PRKCZ: variants seen among roughly 807,000 people sequenced by gnomAD.
The protein encoded by PRKCZ is protein kinase C zeta.
In PRKCZ, 33 loss-of-function variants were observed where a neutral mutation model predicts 79.5. The ratio of observed to expected loss-of-function variants is 0.41; its 90% CI spans 0.31 to 0.55. The LOEUF (loss-of-function observed/expected upper bound fraction) is 0.55. PRKCZ is among the 20% of genes least tolerant of loss of function. The pLI, the probability that PRKCZ is intolerant of heterozygous loss-of-function variation, is 0.19. For missense variants in PRKCZ, 578 were observed against 813.5 expected, an observed-to-expected ratio of 0.71 and a Z score of 3.52; for synonymous variants, 342 against 320.9, an observed-to-expected ratio of 1.07 and a Z score of -0.70.
intron 10 of PRKCZ, among the ~76,000 whole-genome samples, chr1:2,160,238 C>CGCGCGCGCGTGT (rs71578361): frequency 6.8e-6 from 1 of 146,374 alleles, no homozygotes; most frequent in African/African-American, 2.6e-5. Context: ...CAGCAGTGTG[C>CGCGCGCGCGTGT]GTGTGTGTGT....
intron 1 of PRKCZ, among the ~76,000 whole-genome samples, chr1:2,052,971 C>T (rs1425112375): frequency 1.3e-5 from 2 of 152,212 alleles, no homozygotes; most frequent in Non-Finnish European, 2.9e-5. Context: ...CCACCCCGCC[C>T]CCTGTGGGCC....
chr1:2,145,820 G>A (rs538759148), intron 6 of PRKCZ, among the ~76,000 whole-genome samples: 3 of 152,194 alleles, frequency 2.0e-5, no homozygotes, highest in Non-Finnish European at 4.4e-5. Context: ...GGAAGCTGAG[G>A]CGGGAGGATT....
chr1:2,096,663 GC>G (rs1417421780), intron 4 of PRKCZ, among the ~76,000 whole-genome samples: 2 of 152,184 alleles, frequency 1.3e-5, no homozygotes. Flanking sequence ...GTCCGGAGCG[GC>G]CCTGGGCTCT....
intron 4 of PRKCZ, among the ~76,000 whole-genome samples, chr1:2,110,560 C>A (rs912697432): frequency 1.3e-5 from 2 of 152,230 alleles, no homozygotes; most frequent in Non-Finnish European, 2.9e-5. Flanking sequence ...AACAGAGACT[C>A]CTCTGGTACG....
In PRKCZ at chr1:2,094,707, T is replaced by G. The variant is rs1289614999; in HGVS notation, c.334+35116T>G. Among the ~76,000 whole-genome samples, 1 of 141,736 alleles carries G rather than the reference T, an allele frequency of 7.1e-6. No homozygotes were observed. Among genetic ancestry groups the G allele is most frequent in the Non-Finnish European group, 1.6e-5 (1 of 64,444 alleles). The allele number at this position is 141,736 out of a possible 152,430, so 93.0% of individuals were successfully genotyped here. A position where few individuals can be genotyped will look rare whatever the true frequency, so the allele number is the denominator to read the frequency against. The stretch of plus-strand genomic sequence containing the variant: ...TGAGGCGCCCGCTGTGCCCGGCTCG[T>G]TGAACCTTGGGCGCTGCCCGTTCTG... On this transcript the variant is annotated intron_variant, in intron 4 of 17. Coordinates refer to ENST00000378567, the MANE Select transcript of PRKCZ (RefSeq NM_002744.6). The surrounding 1 kb of genome is among the most constrained non-coding windows in gnomAD (Gnocchi z 7.3).
chr1:2,086,238 T>C (rs896382613), intron 4 of PRKCZ, among the ~76,000 whole-genome samples: 2 of 151,848 alleles, frequency 1.3e-5, no homozygotes, highest in Non-Finnish European at 2.9e-5. Context: ...ATTTTTGTGT[T>C]TTGATAGAGA....
chr1:2,151,047 A>G, intron 9 of PRKCZ, 69 bp downstream of exon 9: 1 of 1,552,384 alleles, frequency 6.4e-7, no homozygotes, highest in Non-Finnish European at 8.7e-7. Flanking sequence ...TCCGGGCTTT[A>G]GCGGAATTAA....
chr1:2,076,093 G>C (rs1662357353), intron 4 of PRKCZ, among the ~76,000 whole-genome samples: 1 of 152,210 alleles, frequency 6.6e-6, no homozygotes, highest in Non-Finnish European at 1.5e-5. Flanking sequence ...ACAGGGCCAG[G>C]CCCCTGAATG....
chr1:2,146,446 G>A (rs1320705111), intron 7 of PRKCZ, among the ~76,000 whole-genome samples: 1 of 152,230 alleles, frequency 6.6e-6, no homozygotes, highest in Admixed American at 6.5e-5. Flanking sequence ...CACCATGGCC[G>A]GGCACCTCCC....
chr1:2,116,949 T>C (rs183221625), intron 4 of PRKCZ, among the ~76,000 whole-genome samples: 2 of 152,216 alleles, frequency 1.3e-5, no homozygotes, highest in Admixed American at 1.3e-4. Context: ...GGGGTTTTTT[T>C]GGCAGGGGAG....
intron 4 of PRKCZ, among the ~76,000 whole-genome samples, chr1:2,072,735 C>A (rs542572331): frequency 1.3e-5 from 2 of 152,250 alleles, no homozygotes; most frequent in East Asian, 3.9e-4. Flanking sequence ...GGGGCCGTCC[C>A]TCCAGGGTCA....
chr1:2,061,043 C>A (rs1454883730), intron 4 of PRKCZ, among the ~76,000 whole-genome samples: 1 of 152,228 alleles, frequency 6.6e-6, no homozygotes, highest in Non-Finnish European at 1.5e-5. Context: ...GATGGTTGTC[C>A]CCTCCACAGC....
Position 2,174,775 on chromosome 1 carries a change from G to A in PRKCZ, c.1427G>A (p.Arg476Gln), listed in dbSNP as rs754596223. The A allele has an allele frequency of 6.2e-7, 1 of 1,614,138 alleles. No homozygotes were observed. Among genetic ancestry groups the A allele is most frequent in the Non-Finnish European group, 8.5e-7 (1 of 1,180,006 alleles). The change falls in exon 15 of 18, where the codon CGG (arginine) becomes CAG (glutamine). Residue 476 changes from arginine to glutamine, a missense_variant. This residue lies in a region of PRKCZ where 243 missense variants were observed against 467.0 expected (regional missense o/e 0.52). Transcript: ENST00000378567. The surrounding 1 kb of genome is among the most constrained non-coding windows in gnomAD (Gnocchi z 6.2). ...LFQVILEKPI[R>Q]IPRFLSVKAS... ...GCAGTGATCCTGGAGAAGCCCATCC[G>A]GATCCCCCGGTTCCTGTCCGTCAAA...
At chr1:2,182,418 A>G (rs917731994) in intron 16 of PRKCZ, 35 of 155,788 alleles carry the variant, frequency 2.2e-4, no homozygotes, top group African/African-American at 6.5e-4. Context: ...CTGGGGTGCC[A>G]TCATGGGCAG....
intron 5 of PRKCZ, 66 bp from the exon 6 acceptor site, chr1:2,144,144 C>T (rs1677990201): frequency 6.5e-7 from 1 of 1,528,654 alleles, no homozygotes; most frequent in Non-Finnish European, 8.8e-7. Flanking sequence ...GTGTGGAAGG[C>T]CCTGCCTGTC....
intron 4 of PRKCZ, among the ~76,000 whole-genome samples, chr1:2,124,226 GTGGTGGTTAGGGT>G (rs1343550909): frequency 7.3e-6 from 1 of 136,550 alleles, no homozygotes; most frequent in Non-Finnish European, 1.6e-5. Flanking sequence ...TAGCGTCACG[GTGGTGGTTAGGGT>G]CACGGTGGTG....
At chr1:2,113,531 C>G (rs1402176633) in intron 4 of PRKCZ, among the ~76,000 whole-genome samples, 3 of 152,168 alleles carry the variant, frequency 2.0e-5, no homozygotes, top group Admixed American at 6.5e-5. Flanking sequence ...TCCGATAGCC[C>G]CTTTGTCAGA....
rs900256462 is a variant in PRKCZ at position 2,185,319 on chromosome 1, C to G, written c.*310C>G. The G allele has an allele frequency of 2.8e-6, 2 of 718,634 alleles. No homozygotes were observed. The highest frequency in any genetic ancestry group is 1.7e-5 in the African/African-American group (1 of 57,282). 44.5% of individuals were successfully genotyped at this position (718,634 alleles called of 1,614,324 possible). ...GTGCACATTTTCCACGGAAACAGAACTCGATGCACTGACCTGCTCCGCCAG... is the reference window on the plus strand; with the variant it reads ...GTGCACATTTTCCACGGAAACAGAAGTCGATGCACTGACCTGCTCCGCCAG... On this transcript the variant is annotated 3_prime_UTR_variant, in exon 18 of 18. Transcript: ENST00000378567.
At chr1:2,069,202 G>A (rs1307301772) in intron 4 of PRKCZ, among the ~76,000 whole-genome samples, 1 of 152,188 alleles carries the variant, frequency 6.6e-6, no homozygotes, top group Non-Finnish European at 1.5e-5. Context: ...TCCGTGCTGT[G>A]CTTGTTGAAA....
Sources: allele counts gnomAD v4.1 joint callset (sites outside exome capture counted in the v4.1 genomes callset), GRCh38; gene constraint gnomAD v4.1.1; regional missense constraint gnomAD v4.1.1; non-coding constraint Gnocchi (gnomAD v3.1); transcripts MANE v1.5; gene names NCBI Gene and HGNC (gene_info 2026-07-23, HGNC 2026-07-21).